The following GRIN2B variants were observed in gnomAD, a reference collection of about 807,000 sequenced individuals.
GRIN2B encodes the protein glutamate receptor ionotropic, NMDA 2B.
A neutral mutation model predicts 114.5 loss-of-function variants in GRIN2B; 5 were observed. The ratio of observed to expected loss-of-function variants is 0.04; its 90% confidence interval spans 0.02 to 0.09. The LOEUF is 0.09. GRIN2B is among the 10% of genes least tolerant of loss of function. The probability of loss-of-function intolerance (pLI) is 1.00; values close to 1 mark genes in which losing one functional copy is unlikely to be tolerated. For synonymous variants in GRIN2B, 787 were observed against 745.1 expected, an observed-to-expected ratio of 1.06 and a Z score of -0.92; for missense variants, 1,108 against 1,943.5, an observed-to-expected ratio of 0.57 and a Z score of 8.08.
intron 2 of GRIN2B, among the ~76,000 whole-genome samples, chr12:13,923,376 C>T (rs1866855233): frequency 6.6e-6 from 1 of 152,136 alleles, no homozygotes; most frequent in African/African-American, 2.4e-5. Context: ...AACAAATCAC[C>T]TAACCTTAGA....
At chr12:13,842,348 C>G (rs1865392949) in intron 3 of GRIN2B, among the ~76,000 whole-genome samples, 1 of 152,180 alleles carries the variant, frequency 6.6e-6, no homozygotes, top group African/African-American at 2.4e-5. Context: ...TTTTCTTAGT[C>G]CTATGAGATA....
intron 3 of GRIN2B, among the ~76,000 whole-genome samples, chr12:13,847,054 G>A (rs1242245068): frequency 6.6e-6 from 1 of 152,074 alleles, no homozygotes; most frequent in Non-Finnish European, 1.5e-5. Flanking sequence ...AGTTAAGCAG[G>A]CTAAGAACAT....
At chr12:13,848,135 C>T (rs527351468) in intron 3 of GRIN2B, among the ~76,000 whole-genome samples, 35 of 152,276 alleles carry the variant, frequency 2.3e-4, no homozygotes, top group South Asian at 8.3e-4. Context: ...TCCCCACAAA[C>T]GGTGGAATCT....
chr12:13,735,096 A>C (rs1863156217), intron 4 of GRIN2B, among the ~76,000 whole-genome samples: 2 of 152,200 alleles, frequency 1.3e-5, no homozygotes, highest in African/African-American at 4.8e-5. Flanking sequence ...GACCACATCC[A>C]GTGGATAAAA....
Position 13,555,390 on chromosome 12 carries a change from A to AT in GRIN2B, c.*7392_*7393insA, listed in dbSNP as rs1186017551. On this transcript the variant is annotated 3_prime_UTR_variant, in exon 14 of 14. Transcript: ENST00000609686. ...GCATAAGGTGAGGAAGTGGAGAAAG[A>AT]AAGACTACCCTTTTGAGAAGTTGGG... 7 of 152,228 alleles carry AT rather than the reference A, an allele frequency of 4.6e-5. No homozygotes were observed. Among genetic ancestry groups the AT allele is most frequent in the African/African-American group, 1.7e-4 (7 of 41,454 alleles). The allele number at this position is 152,228 out of a possible 1,614,324, so 9.4% of individuals were successfully genotyped here.
chr12:13,697,712 T>C (rs1950274004), intron 4 of GRIN2B, among the ~76,000 whole-genome samples: 1 of 7,524 alleles, frequency 1.3e-4, no homozygotes, highest in African/African-American at 1.4e-4. Flanking sequence ...ATTAAATCTG[T>C]GCGTGAAAAC....
At position 13,549,533 on chromosome 12, in the gene GRIN2B, C is replaced by A. The variant is rs556556933; in HGVS notation, c.*13250G>T. 2 of 152,264 alleles carry A rather than the reference C, an allele frequency of 1.3e-5. No individual in the cohort carries two copies. Among genetic ancestry groups the A allele is most frequent in the African/African-American group, 4.8e-5 (2 of 41,554 alleles). 9.4% of individuals were successfully genotyped at this position (152,264 alleles called of 1,614,324 possible). A position where few individuals can be genotyped will look rare whatever the true frequency, so the allele number is the denominator to read the frequency against. On this transcript the variant is annotated 3_prime_UTR_variant, in exon 14 of 14. Transcript: ENST00000609686. Reference sequence around the variant, plus strand: ...GGGGCTCTCCCTTGAGGCTGCCCTGCTCACTGTGGGCTGACCAAAACTACT... The same window carrying A: ...GGGGCTCTCCCTTGAGGCTGCCCTGATCACTGTGGGCTGACCAAAACTACT...
chr12:13,587,855 C>T (rs1022601120), intron 10 of GRIN2B, among the ~76,000 whole-genome samples: 12 of 152,092 alleles, frequency 7.9e-5, no homozygotes, highest in African/African-American at 2.4e-4. Flanking sequence ...GAAATATTCT[C>T]GATGAGTCAA....
intron 5 of GRIN2B, among the ~76,000 whole-genome samples, chr12:13,640,225 T>G (rs1235589000): frequency 6.6e-6 from 1 of 152,080 alleles, no homozygotes; most frequent in African/African-American, 2.4e-5. Context: ...TATTCCAGCC[T>G]GGATGACAGA....
chr12:13,795,635 A>G (rs1864406080), intron 3 of GRIN2B, among the ~76,000 whole-genome samples: 2 of 152,232 alleles, frequency 1.3e-5, no homozygotes, highest in South Asian at 4.1e-4. Flanking sequence ...GTGCATATGT[A>G]TGTTTATTGC....
intron 2 of GRIN2B, among the ~76,000 whole-genome samples, chr12:13,960,346 C>T (rs897763914): frequency 6.6e-6 from 1 of 152,024 alleles, no homozygotes; most frequent in African/African-American, 2.4e-5. Context: ...CCATTATTCC[C>T]AAATAAGGAA....
Position 13,564,703 on chromosome 12 carries a change from C to T in GRIN2B, c.2599-64G>A, listed in dbSNP as rs1442938822. The T allele has an allele frequency of 8.7e-6, 12 of 1,380,684 alleles. No homozygotes were observed. Among genetic ancestry groups the T allele is most frequent in the Non-Finnish European group, 1.0e-5 (10 of 972,620 alleles). 85.5% of individuals were successfully genotyped at this position (1,380,684 alleles called of 1,614,324 possible). ...AGGCTAGAAATGACCACAAAAAACACTCTCCCACCAATAATTGCTCCAACT... is the reference window on the plus strand; with the variant it reads ...AGGCTAGAAATGACCACAAAAAACATTCTCCCACCAATAATTGCTCCAACT... On this transcript the variant is annotated intron_variant, in intron 13 of 13. Transcript: ENST00000609686. This position sits in a 1 kb window ranked among gnomAD's most constrained non-coding sequence, Gnocchi z 4.8.
chr12:13,935,653 G>T (rs1867113820), intron 2 of GRIN2B, among the ~76,000 whole-genome samples: 1 of 152,184 alleles, frequency 6.6e-6, no homozygotes, highest in Non-Finnish European at 1.5e-5. Context: ...TGGCATTATT[G>T]TGGGAATTAA....
intron 2 of GRIN2B, among the ~76,000 whole-genome samples, chr12:13,908,377 G>A (rs1323184119): frequency 1.2e-4 from 19 of 152,142 alleles, no homozygotes; most frequent in Non-Finnish European, 2.6e-4. Flanking sequence ...ATCATGCTAA[G>A]AGCATGGTTA....
intron 4 of GRIN2B, among the ~76,000 whole-genome samples, chr12:13,703,390 T>C (rs1950329328): frequency 6.6e-6 from 1 of 152,176 alleles, no homozygotes; most frequent in South Asian, 2.1e-4. Flanking sequence ...TATATGTTCA[T>C]TAGAGCAAAT....
At chr12:13,739,225 A>G (rs1436606778) in intron 4 of GRIN2B, among the ~76,000 whole-genome samples, 2 of 152,018 alleles carry the variant, frequency 1.3e-5, no homozygotes, top group Non-Finnish European at 2.9e-5. Flanking sequence ...TACTAAAAAT[A>G]CAAAATTAGT....
rs185469999 is a variant in GRIN2B, at chr12:13,740,024, T to A, written c.1010+13293A>T. 2.3e-3 allele frequency among the ~76,000 whole-genome samples: 356 copies of A among 152,298 alleles called. 1 individual carries two copies. Among genetic ancestry groups the A allele is most frequent in the African/African-American group, 8.3e-3 (347 of 41,566 alleles). ...AAGTTTTGAGTTTGCAGGTGGCCAA[T>A]AAACTGAGACAATGAGATTAGAGAA... is the stretch of plus-strand genomic sequence containing the variant. On this transcript the variant is annotated intron_variant, in intron 4 of 13. Coordinates refer to ENST00000609686, the MANE Select transcript of GRIN2B (RefSeq NM_000834.5).
chr12:13,977,457 C>T (rs1312151423), intron 2 of GRIN2B: 2 of 152,254 alleles, frequency 1.3e-5, no homozygotes, highest in African/African-American at 4.8e-5. Flanking sequence ...TGAAATCACC[C>T]ACCTAATGTC....
At chr12:13,715,211 G>A (rs1031731791) in intron 4 of GRIN2B, among the ~76,000 whole-genome samples, 6 of 151,874 alleles carry the variant, frequency 4.0e-5, no homozygotes, top group East Asian at 1.9e-4. Flanking sequence ...TAATTATTAT[G>A]TATGTATTCC....
Sources: allele counts gnomAD v4.1 joint callset (sites outside exome capture counted in the v4.1 genomes callset), GRCh38; gene constraint gnomAD v4.1.1; non-coding constraint Gnocchi (gnomAD v3.1); transcripts MANE v1.5; gene names NCBI Gene and HGNC (gene_info 2026-07-23, HGNC 2026-07-21).